SLC24A3: variants seen among roughly 807,000 people sequenced by gnomAD.
The protein encoded by SLC24A3 is sodium/potassium/calcium exchanger 3.
Under a neutral mutation model 75.8 loss-of-function variants are expected in SLC24A3, and 28 were observed. The ratio of observed to expected loss-of-function variants is 0.37; its 90% confidence interval spans 0.27 to 0.51. The LOEUF (loss-of-function observed/expected upper bound fraction) is 0.51, where lower values mean the gene tolerates loss of function less well. Among genes scored for constraint, SLC24A3 ranks in the 20% least tolerant of loss-of-function variants. The pLI, the probability that SLC24A3 is intolerant of heterozygous loss-of-function variation, is 0.94. For missense variants in SLC24A3, 663 were observed against 847.8 expected, an observed-to-expected ratio of 0.78 and a Z score of 2.71; for synonymous variants, 372 against 334.1, an observed-to-expected ratio of 1.11 and a Z score of -1.24.
chr20:19,309,477 T>C (rs1984405775), intron 2 of SLC24A3, among the ~76,000 whole-genome samples: 1 of 152,146 alleles, frequency 6.6e-6, no homozygotes, highest in African/African-American at 2.4e-5. Flanking sequence ...TTGTTAGAAA[T>C]GTAGAATCTC....
intron 1 of SLC24A3, among the ~76,000 whole-genome samples, chr20:19,221,627 A>G (rs1457548522): frequency 6.6e-6 from 1 of 152,128 alleles, no homozygotes; most frequent in East Asian, 1.9e-4. Flanking sequence ...GTTGAAACTC[A>G]TTTGCCTTGG....
At chr20:19,521,339 A>G (rs1282517351) in intron 3 of SLC24A3, among the ~76,000 whole-genome samples, 1 of 152,160 alleles carries the variant, frequency 6.6e-6, no homozygotes, top group Non-Finnish European at 1.5e-5. Context: ...CTGCCTGGCC[A>G]TGGGGTGACC....
chr20:19,237,149 C>T (rs1442813540), intron 1 of SLC24A3, among the ~76,000 whole-genome samples: 1 of 152,196 alleles, frequency 6.6e-6, no homozygotes, highest in South Asian at 2.1e-4. Flanking sequence ...AGTTTAGAGA[C>T]CCTCTAGGTT....
intron 6 of SLC24A3, among the ~76,000 whole-genome samples, chr20:19,649,999 G>T (rs1255960771): frequency 6.6e-6 from 1 of 152,136 alleles, no homozygotes; most frequent in Non-Finnish European, 1.5e-5. Flanking sequence ...GGTGAATGGT[G>T]GTGTCAGAAA....
rs183349820 is a variant in SLC24A3, at chr20:19,604,311, G to A, written c.612+18767G>A. ...GCCTCTATGAAGAGGGAATCTTGGG[G>A]CTGAGACCCTAGTGGTATGAAGGAG... On this transcript the variant is annotated intron_variant, in intron 6 of 16. Coordinates refer to ENST00000328041, the MANE Select transcript of SLC24A3 (RefSeq NM_020689.4). Among the ~76,000 whole-genome samples, 729 of 152,292 alleles carry A rather than the reference G, an allele frequency of 4.8e-3. 5 individuals are homozygous for A. Among genetic ancestry groups the A allele is most frequent in the African/African-American group, 0.017 (691 of 41,578 alleles).
At chr20:19,625,696 A>G (rs1449704336) in intron 6 of SLC24A3, among the ~76,000 whole-genome samples, 2 of 152,220 alleles carry the variant, frequency 1.3e-5, no homozygotes, top group Admixed American at 6.5e-5. Context: ...CCAAGTTTCT[A>G]TAGTTTCATT....
chr20:19,412,482 G>C (rs1000596588), intron 2 of SLC24A3, among the ~76,000 whole-genome samples: 1 of 151,768 alleles, frequency 6.6e-6, no homozygotes, highest in Admixed American at 6.6e-5. Flanking sequence ...GAAGGAGGGA[G>C]AATAAGAAGA....
At chr20:19,315,677 T>G (rs1043217436) in intron 2 of SLC24A3, among the ~76,000 whole-genome samples, 5 of 152,220 alleles carry the variant, frequency 3.3e-5, no homozygotes, top group Admixed American at 6.5e-5. Flanking sequence ...GTGACTTTCA[T>G]GATCTGTTGA....
Position 19,346,231 on chromosome 20 carries a change from G to A in SLC24A3, c.271+65144G>A, listed in dbSNP as rs200036462. Among the ~76,000 whole-genome samples, 3 of 69,518 alleles carry A rather than the reference G, an allele frequency of 4.3e-5. No individual in the cohort carries two copies. In the South Asian group the frequency reaches 1.2e-3, roughly 29 times the overall value. 45.6% of individuals were successfully genotyped at this position (69,518 alleles called of 152,430 possible). On this transcript the variant is annotated intron_variant, in intron 2 of 16. Coordinates refer to ENST00000328041, the MANE Select transcript of SLC24A3 (RefSeq NM_020689.4). ...TATATATGGTGTATATGTATATATG[G>A]TATATATATATGGTGTATATATATA...
chr20:19,433,631 T>C (rs1302933076), intron 2 of SLC24A3, among the ~76,000 whole-genome samples: 1 of 152,156 alleles, frequency 6.6e-6, no homozygotes, highest in Non-Finnish European at 1.5e-5. Context: ...ACTCTCACTT[T>C]GAAAAAATAT....
intron 2 of SLC24A3, among the ~76,000 whole-genome samples, chr20:19,408,599 A>T (rs954911871): frequency 1.3e-5 from 2 of 152,100 alleles, no homozygotes; most frequent in Admixed American, 6.5e-5. Flanking sequence ...CATGTTGGCC[A>T]AGCTGGTCTC....
intron 6 of SLC24A3, among the ~76,000 whole-genome samples, chr20:19,616,190 G>A (rs1049639872): frequency 1.3e-5 from 2 of 152,238 alleles, no homozygotes; most frequent in Admixed American, 1.3e-4. Context: ...TGCCAGGAAT[G>A]TATACCACTG....
At chr20:19,251,151 C>A (rs1211845080) in intron 1 of SLC24A3, among the ~76,000 whole-genome samples, 5 of 152,140 alleles carry the variant, frequency 3.3e-5, no homozygotes, top group Admixed American at 3.3e-4. Context: ...GAATGGAAAA[C>A]CCAGCTCACC....
chr20:19,674,445 G>A (rs1251762403), intron 9 of SLC24A3, among the ~76,000 whole-genome samples: 4 of 152,204 alleles, frequency 2.6e-5, no homozygotes, highest in East Asian at 3.9e-4. Context: ...AGCGATGCTG[G>A]CTCTTGACTG....
intron 2 of SLC24A3, among the ~76,000 whole-genome samples, chr20:19,473,456 A>G (rs533429532): frequency 6.6e-6 from 1 of 152,382 alleles, no homozygotes; most frequent in South Asian, 2.1e-4. Context: ...TGGTAATAAC[A>G]ACAGCAATGG....
intron 6 of SLC24A3, among the ~76,000 whole-genome samples, chr20:19,653,298 C>T (rs1326362602): frequency 6.6e-6 from 1 of 152,224 alleles, no homozygotes; most frequent in Non-Finnish European, 1.5e-5. Context: ...CAGCAATGTG[C>T]CTATCAGCTT....
rs753076542 is a variant in SLC24A3, at chr20:19,685,354, C to T, written c.1317C>T (p.Asp439=). The change falls in exon 12 of 17, where the codon GAC becomes GAT. Residue 439 remains aspartate, a synonymous_variant. Coordinates refer to ENST00000328041, the MANE Select transcript of SLC24A3 (RefSeq NM_020689.4). ...DDDEGPYTPF[D]TPSGKLETVK... Reference sequence around the variant, plus strand: ...ATGAAGGACCGTACACACCATTCGACACCCCCTGTAAGAGGTTCTATGTCT... The same window carrying T: ...ATGAAGGACCGTACACACCATTCGATACCCCCTGTAAGAGGTTCTATGTCT... The T allele has an allele frequency of 2.5e-6, 4 of 1,613,712 alleles. No individual in the cohort carries two copies. The African/African-American group carries it at 4.0e-5, about 16-fold the overall frequency.
At chr20:19,654,187 G>C (rs2122710186) in intron 7 of SLC24A3, 51 bp downstream of exon 7, 4 of 1,559,770 alleles carry the variant, frequency 2.6e-6, no homozygotes, top group African/African-American at 1.4e-5. Flanking sequence ...TTAAGCACCA[G>C]GGGTGGTGTG....
intron 9 of SLC24A3, among the ~76,000 whole-genome samples, chr20:19,680,160 G>C (rs75003334): frequency 0.082 from 12,034 of 147,592 alleles, 550 homozygotes; most frequent in East Asian, 0.2. Context: ...GTCTGTGTGT[G>C]TCTGTGTGTC....
Sources: allele counts gnomAD v4.1 joint callset (sites outside exome capture counted in the v4.1 genomes callset), GRCh38; gene constraint gnomAD v4.1.1; transcripts MANE v1.5; gene names NCBI Gene and HGNC (gene_info 2026-07-23, HGNC 2026-07-21).